GRB10: variants seen among roughly 807,000 people sequenced by gnomAD.
The protein encoded by GRB10 is growth factor receptor-bound protein 10.
GRB10 carries 20 observed loss-of-function variants against 80.9 expected under a neutral mutation model. That is an observed-to-expected ratio of 0.25 (90% CI 0.17 to 0.36). The LOEUF is 0.36. GRB10 is among the 10% of genes least tolerant of loss of function. The probability of loss-of-function intolerance (pLI) is 1.00; values close to 1 mark genes in which losing one functional copy is unlikely to be tolerated. For missense variants in GRB10, 548 were observed against 747.7 expected, an observed-to-expected ratio of 0.73 and a Z score of 3.12; for synonymous variants, 291 against 291.5, an observed-to-expected ratio of 1.00 and a Z score of 0.02.
intron 4 of GRB10, among the ~76,000 whole-genome samples, chr7:50,707,700 G>T (rs2065232607): frequency 6.6e-6 from 1 of 152,204 alleles, no homozygotes; most frequent in South Asian, 2.1e-4. Context: ...ACATTCAGAA[G>T]ACATGCTACC....
intron 7 of GRB10, among the ~76,000 whole-genome samples, chr7:50,659,894 G>C (rs75413595): frequency 0.017 from 2,614 of 152,320 alleles, 94 homozygotes; most frequent in African/African-American, 0.059. Flanking sequence ...AGTTCACTTA[G>C]GCGTACTGAA....
intron 5 of GRB10, among the ~76,000 whole-genome samples, chr7:50,681,544 A>G (rs995206085): frequency 2.0e-5 from 3 of 152,228 alleles, no homozygotes; most frequent in Admixed American, 6.5e-5. Context: ...TGCTAAAATC[A>G]TATCTCCCTT....
chr7:50,777,297 C>T (rs1362983194), intron 2 of GRB10, among the ~76,000 whole-genome samples: 1 of 151,930 alleles, frequency 6.6e-6, no homozygotes, highest in Non-Finnish European at 1.5e-5. Flanking sequence ...TTAAAAGGGC[C>T]CTAATCCCAT....
rs73344861 is a variant in GRB10, at chr7:50,632,135, A to T, written c.505-5157T>A. 3.6e-3 allele frequency among the ~76,000 whole-genome samples: 548 copies of T among 150,834 alleles called. 8 individuals are homozygous for T. Among genetic ancestry groups the T allele is most frequent in the African/African-American group, 0.013 (527 of 41,398 alleles). On this transcript the variant is annotated intron_variant, in intron 7 of 18. Coordinates refer to ENST00000401949, the MANE Select transcript of GRB10 (RefSeq NM_001350814.2). The stretch of plus-strand genomic sequence containing the variant: ...AATTAATCTCACCAAAAAGGAATGT[A>T]ATTCTGCCATTATTTTTAGTTCTGT...
At chr7:50,645,972 T>C (rs889863890) in intron 7 of GRB10, among the ~76,000 whole-genome samples, 8 of 152,138 alleles carry the variant, frequency 5.3e-5, no homozygotes, top group Non-Finnish European at 1.2e-4. Context: ...TTTATAAAAA[T>C]GAACTTTCTA....
chr7:50,757,541 C>G (rs1325491109), intron 2 of GRB10, among the ~76,000 whole-genome samples: 5 of 152,242 alleles, frequency 3.3e-5, no homozygotes, highest in African/African-American at 9.6e-5. Flanking sequence ...AGTTGAACAT[C>G]ACCTGCCTAT....
intron 17 of GRB10, among the ~76,000 whole-genome samples, chr7:50,596,258 A>G (rs962347765): frequency 1.3e-5 from 2 of 152,230 alleles, no homozygotes; most frequent in Non-Finnish European, 2.9e-5. Flanking sequence ...CAGTGGAGAA[A>G]TCCGGCCGAC....
rs1397025634 is a variant in GRB10 at position 50,669,060 on chromosome 7, G to GT, written c.504+661dup. ...TCAACTCCTGTGTACTGACATCCAGGTGCCCGGGTGAGCCCAGCATTTTCA... is the reference window on the plus strand; with the variant it reads ...TCAACTCCTGTGTACTGACATCCAGGTTGCCCGGGTGAGCCCAGCATTTTCA... On this transcript the variant is annotated intron_variant, in intron 7 of 18. Coordinates refer to ENST00000401949, the MANE Select transcript of GRB10 (RefSeq NM_001350814.2). 2.0e-5 allele frequency among the ~76,000 whole-genome samples: 3 copies of GT among 152,220 alleles called. No homozygotes were observed. The East Asian group carries it at 5.8e-4, about 29-fold the overall frequency.
intron 8 of GRB10, among the ~76,000 whole-genome samples, chr7:50,624,032 A>G (rs2052398581): frequency 6.6e-6 from 1 of 152,206 alleles, no homozygotes; most frequent in African/African-American, 2.4e-5. Context: ...GGAATCTTCA[A>G]TTCTGGAGGC....
At chr7:50,687,817 T>G (rs2282931) in intron 5 of GRB10, among the ~76,000 whole-genome samples, 71,503 of 152,088 alleles carry the variant, frequency 0.47, 17,665 homozygotes, top group Admixed American at 0.55. Flanking sequence ...CCTGGGAAGA[T>G]TTCTATTTCC....
chr7:50,724,297 T>G (rs1173029888), intron 4 of GRB10, among the ~76,000 whole-genome samples: 4 of 152,174 alleles, frequency 2.6e-5, no homozygotes, highest in Admixed American at 1.3e-4. Flanking sequence ...TGTCAACCTG[T>G]CAAGCACGGA....
At chr7:50,746,556 T>C (rs2072943817) in intron 3 of GRB10, among the ~76,000 whole-genome samples, 1 of 152,078 alleles carries the variant, frequency 6.6e-6, no homozygotes, top group Non-Finnish European at 1.5e-5. Flanking sequence ...TGTGAGGGCC[T>C]TTCCTCAGCA....
At chr7:50,623,583 A>C (rs1197905616) in intron 8 of GRB10, among the ~76,000 whole-genome samples, 1 of 152,220 alleles carries the variant, frequency 6.6e-6, no homozygotes, top group Non-Finnish European at 1.5e-5. Flanking sequence ...CCAGCATCTC[A>C]GAGGAGCGAT....
intron 3 of GRB10, among the ~76,000 whole-genome samples, chr7:50,740,099 T>C (rs1274519150): frequency 6.6e-6 from 1 of 152,224 alleles, no homozygotes; most frequent in East Asian, 1.9e-4. Flanking sequence ...TTAACAGTAC[T>C]AGAACATTTT....
At chr7:50,627,530 C>T (rs1034776022) in intron 7 of GRB10, among the ~76,000 whole-genome samples, 4 of 152,108 alleles carry the variant, frequency 2.6e-5, no homozygotes, top group African/African-American at 9.7e-5. Context: ...TGAATTAATA[C>T]AAAAGAAGGG....
chr7:50,787,077 T>C (rs148127631), upstream of GRB10, among the ~76,000 whole-genome samples: 635 of 152,302 alleles, frequency 4.2e-3, 3 homozygotes, highest in Middle Eastern at 0.014. Context: ...TATCACAGTA[T>C]ACTACATGGC....
chr7:50,663,376 C>G (rs2059474595), intron 7 of GRB10, among the ~76,000 whole-genome samples: 1 of 152,340 alleles, frequency 6.6e-6, no homozygotes, highest in Admixed American at 6.5e-5. Context: ...GAAATAGCCA[C>G]AAGTGCCCCA....
chr7:50,742,271 G>GCGCACA (rs1189043181), intron 3 of GRB10, among the ~76,000 whole-genome samples: 1,233 of 46,802 alleles, frequency 0.026, 4 homozygotes, highest in Non-Finnish European at 0.045. Flanking sequence ...ACGCGCGCGC[G>GCGCACA]CACACACACA....
At chr7:50,647,577 C>CA (rs1354710212) in intron 7 of GRB10, among the ~76,000 whole-genome samples, 13 of 152,136 alleles carry the variant, frequency 8.5e-5, no homozygotes, top group Non-Finnish European at 1.8e-4. Context: ...GGGAGATAGA[C>CA]AAAAAGCAAA....
Sources: allele counts gnomAD v4.1 joint callset (sites outside exome capture counted in the v4.1 genomes callset), GRCh38; gene constraint gnomAD v4.1.1; transcripts MANE v1.5; gene names NCBI Gene and HGNC (gene_info 2026-07-23, HGNC 2026-07-21).